Variants in CDH13 observed in about 807,000 individuals in gnomAD.
CDH13 encodes the protein cadherin-13.
A neutral mutation model predicts 63.8 loss-of-function variants in CDH13; 24 were observed. That is an observed-to-expected ratio of 0.38 (90% CI 0.27 to 0.53). The LOEUF is 0.53. Among genes scored for constraint, CDH13 ranks in the 20% least tolerant of loss-of-function variants. The pLI is 0.85. For synonymous variants in CDH13, 503 were observed against 355.3 expected (o/e 1.42, Z -4.67); for missense variants, 1,049 against 903.1 (o/e 1.16, Z -2.07).
intron 7 of CDH13, among the ~76,000 whole-genome samples, chr16:83,538,475 T>C (rs1005136875): frequency 2.0e-5 from 3 of 152,214 alleles, no homozygotes; most frequent in Non-Finnish European, 4.4e-5. Flanking sequence ...TTTATGAGAT[T>C]TCACCCAGGT....
chr16:83,768,781 G>A (rs565053739), intron 11 of CDH13, among the ~76,000 whole-genome samples: 119 of 152,050 alleles, frequency 7.8e-4, no homozygotes, highest in African/African-American at 2.8e-3. Flanking sequence ...GTGTAGCAAT[G>A]AGGATGACCA....
At chr16:82,873,202 G>T (rs1379296649) in intron 2 of CDH13, among the ~76,000 whole-genome samples, 2 of 152,170 alleles carry the variant, frequency 1.3e-5, no homozygotes, top group Non-Finnish European at 2.9e-5. Flanking sequence ...CCTAAAATGA[G>T]AGTGGGTTCT....
At chr16:83,034,723 G>C (rs912518724) in intron 3 of CDH13, among the ~76,000 whole-genome samples, 1 of 152,140 alleles carries the variant, frequency 6.6e-6, no homozygotes, top group Admixed American at 6.5e-5. Context: ...GCTTCAAAGA[G>C]AGCAGAAGAT....
intron 1 of CDH13, among the ~76,000 whole-genome samples, chr16:82,856,090 G>T (rs528728273): frequency 3.3e-5 from 5 of 152,204 alleles, no homozygotes; most frequent in African/African-American, 1.2e-4. Flanking sequence ...AAAAATACTA[G>T]CTGGGGCCGG....
At chr16:83,053,435 G>A (rs1300922093) in intron 3 of CDH13, among the ~76,000 whole-genome samples, 4 of 152,166 alleles carry the variant, frequency 2.6e-5, no homozygotes, top group African/African-American at 9.6e-5. Context: ...ATGCAGATAA[G>A]ATCAATTCAC....
intron 8 of CDH13, among the ~76,000 whole-genome samples, chr16:83,608,038 A>C (rs1263392677): frequency 6.6e-6 from 1 of 152,226 alleles, no homozygotes; most frequent in East Asian, 1.9e-4. Context: ...CTATTAATTA[A>C]AGAATGTGTT....
intron 8 of CDH13, among the ~76,000 whole-genome samples, chr16:83,621,631 C>A (rs1268430544): frequency 1.3e-5 from 2 of 151,710 alleles, no homozygotes; most frequent in East Asian, 3.9e-4. Context: ...GAATTACAGG[C>A]ATGTGCCACC....
intron 5 of CDH13, among the ~76,000 whole-genome samples, chr16:83,311,394 T>C (rs781249161): frequency 1.3e-4 from 20 of 152,274 alleles, no homozygotes; most frequent in Admixed American, 7.2e-4. Flanking sequence ...GCTACACATA[T>C]GTAATGTAGA....
chr16:83,644,679 A>G (rs559118985), intron 8 of CDH13, among the ~76,000 whole-genome samples: 84 of 152,238 alleles, frequency 5.5e-4, no homozygotes, highest in Non-Finnish European at 9.1e-4. Context: ...TTCATGGTCC[A>G]GAAACGCATC....
intron 2 of CDH13, among the ~76,000 whole-genome samples, chr16:82,865,828 C>T (rs1218219147): frequency 6.6e-6 from 1 of 152,194 alleles, no homozygotes; most frequent in African/African-American, 2.4e-5. Flanking sequence ...TCTATTTCAT[C>T]TTCAGGCTGC....
intron 2 of CDH13, among the ~76,000 whole-genome samples, chr16:82,968,784 C>T (rs1908253237): frequency 1.3e-5 from 2 of 152,208 alleles, no homozygotes. Context: ...CCTCAATAGG[C>T]TGTGAGCCTT....
chr16:83,714,038 A>C lies in CDH13; in HGVS notation c.1539-34070A>C, dbSNP rs139594478. On this transcript the variant is annotated intron_variant, in intron 10 of 13. Transcript: ENST00000567109. ...CCAGAGTAGATCTCTAGCCCACCCT[A>C]TACCCATCGCTGGCCACTGGCCCCA... Among the ~76,000 whole-genome samples, 3 of 151,732 alleles carry C rather than the reference A, an allele frequency of 2.0e-5. No individual in the cohort carries two copies. In the East Asian group the frequency reaches 5.8e-4, roughly 29 times the overall value.
intron 1 of CDH13, among the ~76,000 whole-genome samples, chr16:82,767,189 T>C (rs1056407225): frequency 6.6e-6 from 1 of 152,206 alleles, no homozygotes; most frequent in Non-Finnish European, 1.5e-5. Context: ...GCATAAATCT[T>C]AAGTGTGTAT....
At chr16:83,235,998 G>A (rs970966194) in intron 5 of CDH13, among the ~76,000 whole-genome samples, 2 of 152,168 alleles carry the variant, frequency 1.3e-5, no homozygotes. Flanking sequence ...ATATAGCTTA[G>A]ATGATTAATT....
At chr16:82,653,363 C>T (rs937821538) in intron 1 of CDH13, among the ~76,000 whole-genome samples, 1 of 152,130 alleles carries the variant, frequency 6.6e-6, no homozygotes, top group Non-Finnish European at 1.5e-5. Context: ...TATGCTCAGC[C>T]TCAGGTGTGT....
intron 3 of CDH13, among the ~76,000 whole-genome samples, chr16:83,091,895 A>G (rs968535328): frequency 4.6e-5 from 7 of 152,234 alleles, no homozygotes; most frequent in African/African-American, 1.7e-4. Context: ...ATTCATAAGT[A>G]TTTTAAGAAT....
At chr16:83,520,772 CT>C (rs1188623475) in intron 7 of CDH13, among the ~76,000 whole-genome samples, 90 of 152,298 alleles carry the variant, frequency 5.9e-4, no homozygotes, top group African/African-American at 2.2e-3. Flanking sequence ...AGCTTTTCAG[CT>C]GGCCGGGAAG....
intron 10 of CDH13, among the ~76,000 whole-genome samples, chr16:83,681,391 T>C (rs961261075): frequency 1.3e-5 from 2 of 152,192 alleles, no homozygotes; most frequent in African/African-American, 4.8e-5. Context: ...TTCCCAGCCG[T>C]GGAGCAAAGT....
At chr16:83,140,549 G>A (rs553527983) in intron 4 of CDH13, among the ~76,000 whole-genome samples, 3 of 152,142 alleles carry the variant, frequency 2.0e-5, no homozygotes, top group Non-Finnish European at 4.4e-5. Flanking sequence ...GCTGTCTCAG[G>A]TTCAAGTGAT....
Sources: gnomAD v4.1 joint callset for allele counts (sites outside exome capture counted in the v4.1 genomes callset) on GRCh38, gnomAD v4.1.1 for gene constraint, MANE v1.5 for transcripts, NCBI Gene and HGNC (gene_info 2026-07-23, HGNC 2026-07-21) for gene names.